AP3B1: variants seen among roughly 807,000 people sequenced by gnomAD.
The protein encoded by AP3B1 is adaptor related protein complex 3 subunit beta 1.
In AP3B1, 61 loss-of-function variants were observed where a neutral mutation model predicts 132.5. The observed-to-expected ratio is 0.46, with a 90% CI of 0.37 to 0.57. The LOEUF is 0.57. Among genes scored for constraint, AP3B1 ranks in the 20% least tolerant of loss-of-function variants. AP3B1 has a pLI of 0.00. For synonymous variants in AP3B1, 388 were observed against 438.3 expected, an observed-to-expected ratio of 0.89 and a Z score of 1.43; for missense variants, 1,120 against 1,289.4, an observed-to-expected ratio of 0.87 and a Z score of 2.01.
chr5:78,218,845 T>A (rs1349452846), intron 6 of AP3B1, among the ~76,000 whole-genome samples: 1 of 152,096 alleles, frequency 6.6e-6, no homozygotes, highest in African/African-American at 2.4e-5. Context: ...TTAATGGCCA[T>A]CCAACCTTCC....
At chr5:78,131,176 T>A (rs923847235) in intron 15 of AP3B1, among the ~76,000 whole-genome samples, 1 of 151,932 alleles carries the variant, frequency 6.6e-6, no homozygotes, top group African/African-American at 2.4e-5. Context: ...TTTACATACA[T>A]TAATCAGTTT....
chr5:78,248,433 C>G (rs1747467901), intron 2 of AP3B1, among the ~76,000 whole-genome samples: 1 of 135,554 alleles, frequency 7.4e-6, no homozygotes, highest in African/African-American at 2.8e-5. Context: ...GCAGAGGTTG[C>G]AGTGAGCCGA....
chr5:78,168,277 G>A (rs1191145007), intron 11 of AP3B1, among the ~76,000 whole-genome samples: 1 of 146,836 alleles, frequency 6.8e-6, no homozygotes, highest in African/African-American at 2.5e-5. Context: ...AGGGTGGAGT[G>A]CAGTGGTATG....
chr5:78,172,189 T>A (rs1401002151), intron 11 of AP3B1, among the ~76,000 whole-genome samples: 2 of 152,194 alleles, frequency 1.3e-5, no homozygotes, highest in Non-Finnish European at 1.5e-5. Context: ...AGGATACTGG[T>A]CTAAAATCCT....
chr5:78,065,226 C>A (rs1353782690), intron 22 of AP3B1, among the ~76,000 whole-genome samples: 1 of 152,202 alleles, frequency 6.6e-6, no homozygotes, highest in Admixed American at 6.5e-5. Context: ...CCCATGCCAC[C>A]AGGGCCTTGG....
intron 20 of AP3B1, among the ~76,000 whole-genome samples, chr5:78,102,272 G>GT (rs1751163726): frequency 6.6e-6 from 1 of 152,024 alleles, no homozygotes; most frequent in Non-Finnish European, 1.5e-5. Context: ...TTATACATAG[G>GT]TAACATTTTA....
intron 2 of AP3B1, among the ~76,000 whole-genome samples, chr5:78,255,321 A>G (rs1253736622): frequency 2.6e-5 from 4 of 152,128 alleles, no homozygotes; most frequent in African/African-American, 9.6e-5. Flanking sequence ...ATGAAAAAAC[A>G]AAACCCATTG....
At position 78,294,654 on chromosome 5, in the gene AP3B1, G is replaced by C. The variant is rs1749680556; in HGVS notation, c.-75C>G. The C allele has an allele frequency of 1.9e-6, 3 of 1,606,586 alleles. No homozygotes were observed. Among genetic ancestry groups the C allele is most frequent in the Non-Finnish European group, 1.7e-6 (2 of 1,177,588 alleles). Reference sequence around the variant, plus strand: ...AAAAGGTTCCAGTCCAGAGGGCACGGAACAAAACTAGTTCTCGTACGGAGG... The same window carrying C: ...AAAAGGTTCCAGTCCAGAGGGCACGCAACAAAACTAGTTCTCGTACGGAGG... On this transcript the variant is annotated 5_prime_UTR_variant, in exon 1 of 27. Transcript: ENST00000255194.
At chr5:78,059,529 T>C (rs1412046778) in intron 22 of AP3B1, among the ~76,000 whole-genome samples, 1 of 149,814 alleles carries the variant, frequency 6.7e-6, no homozygotes, top group Non-Finnish European at 1.5e-5. Context: ...TTTCAATGGC[T>C]GATCTGTGAT....
At chr5:78,024,854 C>T (rs1286633424) in intron 24 of AP3B1, among the ~76,000 whole-genome samples, 4 of 148,192 alleles carry the variant, frequency 2.7e-5, no homozygotes, top group African/African-American at 4.9e-5. Flanking sequence ...TGAGTCACTG[C>T]GCCTGGCCTT....
At position 78,034,375 on chromosome 5, in the gene AP3B1, G is replaced by A. The variant is rs62001052; in HGVS notation, c.2880C>T (p.Ala960=). The A allele has an allele frequency of 3.7e-3, 5,976 of 1,611,118 alleles. 46 individuals are homozygous for A. The highest frequency in any genetic ancestry group is 3.5e-3 in the Non-Finnish European group (4,100 of 1,177,566). The change falls in exon 24 of 27, where the codon GCC becomes GCT. Residue 960 remains alanine, a synonymous_variant. Coordinates refer to ENST00000255194, the MANE Select transcript of AP3B1 (RefSeq NM_003664.5). ...ATTGAACTTACCACAACTGGAAACTGGCAGTCTGAGTAGAATCACAAAAGT... is the reference window on the plus strand; with the variant it reads ...ATTGAACTTACCACAACTGGAAACTAGCAGTCTGAGTAGAATCACAAAAGT... The part of the protein sequence containing the change: ...GIDFCDSTQT[A]SFQLCTKDDC...
intron 2 of AP3B1, among the ~76,000 whole-genome samples, chr5:78,256,387 C>G (rs1445338973): frequency 6.6e-6 from 1 of 151,904 alleles, no homozygotes; most frequent in Non-Finnish European, 1.5e-5. Flanking sequence ...ACTATGAGCA[C>G]CCATATATGC....
At chr5:78,097,269 C>A (rs1320804636) in intron 21 of AP3B1, among the ~76,000 whole-genome samples, 5 of 102,300 alleles carry the variant, frequency 4.9e-5, no homozygotes, top group African/African-American at 7.2e-5. Context: ...CCAGCCACCC[C>A]GTCCGGGAGG....
intron 15 of AP3B1, among the ~76,000 whole-genome samples, chr5:78,133,456 A>T (rs1685576223): frequency 6.6e-6 from 1 of 152,224 alleles, no homozygotes; most frequent in African/African-American, 2.4e-5. Flanking sequence ...GGAGGTCTAC[A>T]AATTAACTGT....
chr5:78,246,331 C>T (rs1313053476), intron 2 of AP3B1, among the ~76,000 whole-genome samples: 2 of 152,202 alleles, frequency 1.3e-5, no homozygotes, highest in African/African-American at 2.4e-5. Flanking sequence ...CCATCCAATC[C>T]TCTATGTTCA....
chr5:78,286,979 TG>T (rs2112593811), intron 1 of AP3B1, among the ~76,000 whole-genome samples: 1 of 152,354 alleles, frequency 6.6e-6, no homozygotes, highest in East Asian at 1.9e-4. Context: ...GCAGGCAATT[TG>T]TTTTTGTCAG....
In AP3B1 at chr5:78,110,396, T is replaced by A. The variant is rs1204009189; in HGVS notation, c.2250-42A>T. The A allele has an allele frequency of 2.0e-6, 3 of 1,464,596 alleles. No individual in the cohort carries two copies. In the South Asian group the frequency reaches 3.6e-5, roughly 18 times the overall value. 90.7% of individuals were successfully genotyped at this position (1,464,596 alleles called of 1,614,324 possible). On this transcript the variant is annotated intron_variant, in intron 19 of 26. Coordinates refer to ENST00000255194, the MANE Select transcript of AP3B1 (RefSeq NM_003664.5). ...ATTTTGAAATATGAACTTTAACTCC[T>A]TTATATAAGCAGTTTATAAAAAAAT... is the stretch of plus-strand genomic sequence containing the variant.
chr5:78,197,354 C>G (rs1025227497), intron 7 of AP3B1, among the ~76,000 whole-genome samples: 2 of 151,640 alleles, frequency 1.3e-5, no homozygotes. Context: ...AAGAGACAAA[C>G]GTTGTTACAT....
chr5:78,168,720 G>A (rs4388193), intron 11 of AP3B1, among the ~76,000 whole-genome samples: 10,678 of 152,070 alleles, frequency 0.07, 572 homozygotes, highest in African/African-American at 0.14. Context: ...AGAAAATCAG[G>A]TCATTAAACT....
Sources: gnomAD v4.1 joint callset for allele counts (sites outside exome capture counted in the v4.1 genomes callset) on GRCh38, gnomAD v4.1.1 for gene constraint, MANE v1.5 for transcripts, NCBI Gene and HGNC (gene_info 2026-07-23, HGNC 2026-07-21) for gene names.